Variants in FREM2 observed in about 807,000 individuals in gnomAD.
FREM2 encodes FRAS1-related extracellular matrix protein 2.
A neutral mutation model predicts 219.9 loss-of-function variants in FREM2; 119 were observed. The ratio of observed to expected loss-of-function variants is 0.54; its 90% CI spans 0.47 to 0.63. The LOEUF (loss-of-function observed/expected upper bound fraction) is 0.63. FREM2 is among the 30% of genes least tolerant of loss of function. FREM2 has a pLI of 0.00. For synonymous variants in FREM2, 1,562 were observed against 1,522.8 expected (o/e 1.03, Z -0.60); for missense variants, 4,030 against 3,993.6 (o/e 1.01, Z -0.25).
chr13:38,807,998 GA>G lies in FREM2; in HGVS notation c.6019+23194del, dbSNP rs530910657. Reference sequence around the variant, plus strand: ...AATATAAGGCTGTTTTTTCTCCAATGAAAATGTTATTTAGTGTAGCCCTCTT... The same window carrying G: ...AATATAAGGCTGTTTTTTCTCCAATGAAATGTTATTTAGTGTAGCCCTCTT... On this transcript the variant is annotated intron_variant, in intron 6 of 23. Transcript: ENST00000280481. 4.5e-4 allele frequency among the ~76,000 whole-genome samples: 68 copies of G among 152,022 alleles called. 7 individuals are homozygous for G. In the East Asian group the frequency reaches 0.013, roughly 29 times the overall value.
rs748602573 is a variant in FREM2, at chr13:38,688,790, G to A, written c.1446G>A (p.Glu482=). Residue 482 remains glutamate, a synonymous_variant, in exon 1 of 24, where the codon GAG becomes GAA. Coordinates refer to ENST00000280481, the MANE Select transcript of FREM2 (RefSeq NM_207361.6). ...DEDDLEAVRL[E]VVAGLRHGHL... Reference sequence around the variant, plus strand: ...ATGACCTAGAAGCAGTGCGGCTAGAGGTGGTGGCTGGGCTCCGGCATGGTC... The same window carrying A: ...ATGACCTAGAAGCAGTGCGGCTAGAAGTGGTGGCTGGGCTCCGGCATGGTC... The A allele has an allele frequency of 6.2e-7, 1 of 1,614,090 alleles. No individual in the cohort carries two copies. The highest frequency in any genetic ancestry group is 8.5e-7 in the Non-Finnish European group (1 of 1,180,050).
intron 6 of FREM2, among the ~76,000 whole-genome samples, chr13:38,829,088 A>T (rs1485318452): frequency 6.6e-6 from 1 of 152,180 alleles, no homozygotes; most frequent in African/African-American, 2.4e-5. Flanking sequence ...AATCCATGAC[A>T]CATATGCTGT....
At chr13:38,716,858 T>A in intron 2 of FREM2, among the ~76,000 whole-genome samples, 1 of 152,240 alleles carries the variant, frequency 6.6e-6, no homozygotes, top group East Asian at 1.9e-4. Flanking sequence ...ACACACACTT[T>A]ACATACATAT....
chr13:38,870,413 T>C (rs1259226628), intron 16 of FREM2, among the ~76,000 whole-genome samples: 1 of 152,226 alleles, frequency 6.6e-6, no homozygotes, highest in East Asian at 1.9e-4. Flanking sequence ...TAGGGACATA[T>C]GAAATCACTC....
intron 6 of FREM2, among the ~76,000 whole-genome samples, chr13:38,789,014 T>A (rs1874445264): frequency 6.6e-6 from 1 of 152,116 alleles, no homozygotes; most frequent in Non-Finnish European, 1.5e-5. Context: ...TTGTTCATGA[T>A]GTAATTTTAT....
chr13:38,732,887 T>A (rs1030314688), intron 2 of FREM2, among the ~76,000 whole-genome samples: 5 of 152,210 alleles, frequency 3.3e-5, no homozygotes, highest in African/African-American at 9.6e-5. Context: ...TCTCACTGGC[T>A]TGGTAAATAG....
At chr13:38,777,930 G>A (rs367913601) in intron 4 of FREM2, among the ~76,000 whole-genome samples, 8 of 152,174 alleles carry the variant, frequency 5.3e-5, no homozygotes, top group East Asian at 1.9e-4. Flanking sequence ...CCAGAGCGAA[G>A]GGCACAGCCC....
intron 16 of FREM2, among the ~76,000 whole-genome samples, chr13:38,869,038 G>C (rs577905475): frequency 6.6e-6 from 1 of 152,288 alleles, no homozygotes; most frequent in East Asian, 1.9e-4. Context: ...GACATTACTT[G>C]CCCTCCTCTA....
intron 6 of FREM2, among the ~76,000 whole-genome samples, chr13:38,810,545 A>C (rs1202157507): frequency 6.6e-6 from 1 of 152,046 alleles, no homozygotes; most frequent in Non-Finnish European, 1.5e-5. Context: ...GAACTTCATC[A>C]AATGCTTTTT....
At chr13:38,841,014 G>A (rs1219920379) in intron 6 of FREM2, among the ~76,000 whole-genome samples, 2 of 152,008 alleles carry the variant, frequency 1.3e-5, no homozygotes, top group East Asian at 1.9e-4. Context: ...AGTAGTCAAG[G>A]GCACAGGCTT....
At chr13:38,796,469 C>T (rs1388268371) in intron 6 of FREM2, among the ~76,000 whole-genome samples, 1 of 152,004 alleles carries the variant, frequency 6.6e-6, no homozygotes, top group Non-Finnish European at 1.5e-5. Flanking sequence ...GGGAAGTTCC[C>T]CAAAACAGAG....
chr13:38,818,814 T>G (rs1593426379), intron 6 of FREM2, among the ~76,000 whole-genome samples: 1 of 151,596 alleles, frequency 6.6e-6, no homozygotes, highest in East Asian at 1.9e-4. Flanking sequence ...AATACAAAAA[T>G]TAGTGGGGCA....
intron 2 of FREM2, among the ~76,000 whole-genome samples, chr13:38,737,106 G>A (rs1241998081): frequency 6.6e-6 from 1 of 152,160 alleles, no homozygotes; most frequent in East Asian, 1.9e-4. Context: ...AGTGTATCAT[G>A]TGTGGGGATT....
chr13:38,690,571 T>C lies in FREM2; in HGVS notation c.3227T>C (p.Ile1076Thr). The change falls in exon 1 of 24, where the codon ATA becomes ACA. Residue 1076 changes from isoleucine (I) to threonine (T), a missense_variant. By Grantham distance (89) the Ile-to-Thr change is moderately conservative. This residue lies in a region of FREM2 where 3,102 missense variants were observed against 2,950.7 expected (regional missense o/e 1.05). Transcript: ENST00000280481. ...APEIFVGEQL[I>T]VMEGDKSVIT... ...GAAATCTTTGTAGGTGAACAGTTGA[T>C]AGTAATGGAAGGTGATAAAAGTGTT... The C allele has an allele frequency of 6.2e-7, 1 of 1,614,150 alleles. No individual in the cohort carries two copies. Among genetic ancestry groups the C allele is most frequent in the South Asian group, 1.1e-5 (1 of 91,088 alleles).
At chr13:38,745,879 C>G (rs1872460586) in intron 2 of FREM2, among the ~76,000 whole-genome samples, 1 of 152,130 alleles carries the variant, frequency 6.6e-6, no homozygotes, top group African/African-American at 2.4e-5. Flanking sequence ...CTCATCTCTC[C>G]TTCTTTCTTC....
chr13:38,854,724 T>C (rs985952884), intron 11 of FREM2, among the ~76,000 whole-genome samples: 2 of 152,116 alleles, frequency 1.3e-5, no homozygotes, highest in Non-Finnish European at 2.9e-5. Context: ...TTGCTGTATC[T>C]AGAGACAGAG....
intron 6 of FREM2, among the ~76,000 whole-genome samples, chr13:38,832,986 C>A (rs917881532): frequency 6.6e-6 from 1 of 152,062 alleles, no homozygotes; most frequent in African/African-American, 2.4e-5. Flanking sequence ...TTGCAGTGAA[C>A]TGAGATTGAG....
chr13:38,745,743 C>T (rs193134159), intron 2 of FREM2, among the ~76,000 whole-genome samples: 454 of 152,302 alleles, frequency 3.0e-3, no homozygotes, highest in African/African-American at 0.01. Flanking sequence ...GTTTTAATCT[C>T]GCTTCTGCTT....
intron 15 of FREM2, among the ~76,000 whole-genome samples, chr13:38,862,183 T>G (rs1435242021): frequency 6.6e-6 from 1 of 152,224 alleles, no homozygotes; most frequent in Non-Finnish European, 1.5e-5. Flanking sequence ...ATAAAATTAC[T>G]TGATATGTTA....
Sources: allele counts gnomAD v4.1 joint callset (sites outside exome capture counted in the v4.1 genomes callset), GRCh38; gene constraint gnomAD v4.1.1; regional missense constraint gnomAD v4.1.1; transcripts MANE v1.5; gene names NCBI Gene and HGNC (gene_info 2026-07-23, HGNC 2026-07-21).